Variants in IL17RE observed in about 807,000 individuals in gnomAD.
IL17RE encodes interleukin-17 receptor E.
Under a neutral mutation model 70.7 loss-of-function variants are expected in IL17RE, and 47 were observed. That is an observed-to-expected ratio of 0.67 (90% confidence interval 0.53 to 0.85). The LOEUF (loss-of-function observed/expected upper bound fraction) is 0.85. Among genes scored for constraint, IL17RE ranks in the 40% least tolerant of loss-of-function variants. The pLI is 0.00. For synonymous variants in IL17RE, 372 were observed against 381.2 expected (o/e 0.98, Z 0.28); for missense variants, 850 against 893.9 (o/e 0.95, Z 0.63).
In IL17RE at chr3:9,902,875, G is replaced by C. The variant is rs1322759462; in HGVS notation, c.-58G>C. On this transcript the variant is annotated 5_prime_UTR_variant, in exon 1 of 16. Transcript: ENST00000383814. Reference sequence around the variant, plus strand: ...GTTCGCTGCTGCACAGCAAGGCCCTGCCACCCACCTTCAGGCCATGCAGCC... The same window carrying C: ...GTTCGCTGCTGCACAGCAAGGCCCTCCCACCCACCTTCAGGCCATGCAGCC... 3 of 1,613,568 alleles carry C rather than the reference G, an allele frequency of 1.9e-6. No individual in the cohort carries two copies. The highest frequency in any genetic ancestry group is 8.5e-7 in the Non-Finnish European group (1 of 1,179,822).
chr3:9,914,253 A>G, intron 13 of IL17RE: 3 of 711,026 alleles, frequency 4.2e-6, no homozygotes, highest in South Asian at 2.0e-5. Context: ...CATGGTGACA[A>G]TGGCCTGGAG....
At position 9,907,099 on chromosome 3, in the gene IL17RE, A is replaced by T. The variant is rs138745343; in HGVS notation, c.665A>T (p.Gln222Leu). Residue 222 changes from glutamine (Q) to leucine (L), a missense_variant and splice_region_variant, in exon 6 of 16, where the codon CAG becomes CTG. Gln to Leu is a moderately radical substitution (Grantham distance 113). Coordinates refer to ENST00000383814, the MANE Select transcript of IL17RE (RefSeq NM_153480.2). ...CEELSSPYDV[Q>L]KIVSGGHTVE... ...GAGCTGAGCAGTCCCTATGATGTCCAGGTATGGTGTGTCATCCCCCTGTAA... is the reference window on the plus strand; with the variant it reads ...GAGCTGAGCAGTCCCTATGATGTCCTGGTATGGTGTGTCATCCCCCTGTAA... The T allele has an allele frequency of 1.1e-4, 173 of 1,614,152 alleles. No individual in the cohort carries two copies. The African/African-American group carries it at 1.9e-3, about 17-fold the overall frequency.
Position 9,910,984 on chromosome 3 carries a change from G to A in IL17RE, c.922G>A (p.Asp308Asn), listed in dbSNP as rs61743385. Residue 308 changes from aspartate (D) to asparagine (N), a missense_variant, in exon 9 of 16, where the codon GAC becomes AAC. Asp to Asn is a conservative substitution (Grantham distance 23). Transcript: ENST00000383814. ...KLEAALCQRH[D>N]WHTLCKDLPN... ...GGAAGCTGCCCTCTGCCAGAGGCACGACTGGCATACCCTTTGCAAAGACCT... is the reference window on the plus strand; with the variant it reads ...GGAAGCTGCCCTCTGCCAGAGGCACAACTGGCATACCCTTTGCAAAGACCT... 7.6e-4 allele frequency: 1,223 copies of A among 1,614,160 alleles called. 5 individuals are homozygous for A. The African/African-American group carries it at 0.014, about 18-fold the overall frequency.
intron 15 of IL17RE, 61 bp downstream of exon 15, chr3:9,914,838 C>G: frequency 7.4e-7 from 1 of 1,343,824 alleles, no homozygotes; most frequent in Non-Finnish European, 1.1e-6. Context: ...CTAGCTGCCC[C>G]CTCACCCTCC....
chr3:9,906,506 CT>C, intron 4 of IL17RE, 45 bp downstream of exon 4: 1 of 1,475,968 alleles, frequency 6.8e-7, no homozygotes, highest in Non-Finnish European at 9.5e-7. Flanking sequence ...CCCCACAGAC[CT>C]TTGCTTTCTG....
At position 9,915,476 on chromosome 3, in the gene IL17RE, T is replaced by C. The variant is rs1442030462; in HGVS notation, c.1673T>C (p.Leu558Pro). The change falls in exon 16 of 16, where the codon CTG becomes CCG. Residue 558 changes from leucine (L) to proline (P), a missense_variant. Coordinates refer to ENST00000383814, the MANE Select transcript of IL17RE (RefSeq NM_153480.2). This position sits in a 1 kb window ranked among gnomAD's most constrained non-coding sequence, Gnocchi z 4.9. ...CGGGAGCAGGGCACTGTGCTGCTGC[T>C]GTGGAGCGGCGCCGACCTTCGCCCG... is the stretch of plus-strand genomic sequence containing the variant. ...VAREQGTVLL[L>P]WSGADLRPVS... 1 of 1,331,712 alleles carries C rather than the reference T, an allele frequency of 7.5e-7. No homozygotes were observed. Among genetic ancestry groups the C allele is most frequent in the Non-Finnish European group, 9.5e-7 (1 of 1,049,452 alleles). The allele number at this position is 1,331,712 out of a possible 1,614,324, so 82.5% of individuals were successfully genotyped here. A position where few individuals can be genotyped will look rare whatever the true frequency, so the allele number is the denominator to read the frequency against.
At chr3:9,911,204 G>A (rs2082883841) in intron 10 of IL17RE, 30 bp downstream of exon 10, 1 of 1,614,044 alleles carries the variant, frequency 6.2e-7, no homozygotes, top group Non-Finnish European at 8.5e-7. Flanking sequence ...AAGATGTGGT[G>A]TAGTGGGTAT....
chr3:9,904,264 A>G (rs1258586294), intron 3 of IL17RE, 113 bp downstream of exon 3: 6 of 1,231,618 alleles, frequency 4.9e-6, no homozygotes, highest in South Asian at 1.3e-5. Flanking sequence ...TTTAACCTCA[A>G]CTGGGACTTG....
At chr3:9,914,460 T>A (rs968646778) in intron 13 of IL17RE, 88 bp from the exon 14 acceptor site, 11 of 1,572,688 alleles carry the variant, frequency 7.0e-6, no homozygotes, top group Non-Finnish European at 9.5e-6. Flanking sequence ...CAGTGGGGAC[T>A]CCCCTCTCCC....
intron 8 of IL17RE, 125 bp from the exon 9 acceptor site, chr3:9,910,740 G>A: frequency 1.3e-6 from 1 of 744,026 alleles, no homozygotes; most frequent in East Asian, 2.7e-5. Context: ...TTTAGTACCT[G>A]TTCTGGCCAG....
chr3:9,909,479 C>G, intron 8 of IL17RE, 196 bp downstream of exon 8: 1 of 613,664 alleles, frequency 1.6e-6, no homozygotes, highest in Non-Finnish European at 3.0e-6. Context: ...AGTCCGCTTG[C>G]CAATAGATCA....
intron 7 of IL17RE, among the ~76,000 whole-genome samples, chr3:9,908,574 C>A (rs1213632734): frequency 6.6e-6 from 1 of 152,168 alleles, no homozygotes; most frequent in Non-Finnish European, 1.5e-5. Context: ...TGGCCTCAGC[C>A]CACAGAGCCA....
intron 3 of IL17RE, among the ~76,000 whole-genome samples, chr3:9,905,867 T>C (rs552096573): frequency 3.3e-5 from 5 of 152,290 alleles, no homozygotes; most frequent in African/African-American, 1.2e-4. Flanking sequence ...TTTGTATATA[T>C]AGCTTTTTCT....
In IL17RE at chr3:9,915,220, C is replaced by G. The variant is rs1423517540; in HGVS notation, c.1448-31C>G. 5 of 1,370,348 alleles carry G rather than the reference C, an allele frequency of 3.6e-6. No individual in the cohort carries two copies. The highest frequency in any genetic ancestry group is 4.7e-6 in the Non-Finnish European group (5 of 1,066,348). 84.9% of individuals were successfully genotyped at this position (1,370,348 alleles called of 1,614,324 possible). On this transcript the variant is annotated intron_variant, in intron 15 of 15. Transcript: ENST00000383814. This position sits in a 1 kb window ranked among gnomAD's most constrained non-coding sequence, Gnocchi z 4.9. ...GAGGGCTGAGCAGTCCCTCAGCCGC[C>G]CAGCCTTCATCTGTTGCTTCCCGCC...
In IL17RE at chr3:9,914,731, C is replaced by T. The variant is rs773879614; in HGVS notation, c.1401C>T (p.Thr467=). The T allele has an allele frequency of 5.0e-6, 8 of 1,614,084 alleles. No individual in the cohort carries two copies. Among genetic ancestry groups the T allele is most frequent in the Non-Finnish European group, 6.8e-6 (8 of 1,180,020 alleles). ...LLILALLALL[T]LLGVVLALTC... ...TCCTGGCACTGCTGGCCCTCCTCACCCTACTGGGTGTTGTTCTGGCCCTCA... is the reference window on the plus strand; with the variant it reads ...TCCTGGCACTGCTGGCCCTCCTCACTCTACTGGGTGTTGTTCTGGCCCTCA... Residue 467 remains threonine, a synonymous_variant, in exon 15 of 16, where the codon ACC becomes ACT. Transcript: ENST00000383814.
rs762762077 is a variant in IL17RE, at chr3:9,903,378, A to G, written c.133-19A>G. 21 of 1,613,744 alleles carry G rather than the reference A, an allele frequency of 1.3e-5. No individual in the cohort carries two copies. The South Asian group carries it at 2.1e-4, about 16-fold the overall frequency. On this transcript the variant is annotated intron_variant, in intron 1 of 15. Coordinates refer to ENST00000383814, the MANE Select transcript of IL17RE (RefSeq NM_153480.2). ...AATAGCTCTTTCCTTTCTTTTCCCT[A>G]CTGGGCCCTGTGCCTCAGGATGACA... is the stretch of plus-strand genomic sequence containing the variant.
chr3:9,916,210 C>T lies in IL17RE; in HGVS notation c.*403C>T, dbSNP rs2083065199. On this transcript the variant is annotated 3_prime_UTR_variant, in exon 16 of 16. Coordinates refer to ENST00000383814, the MANE Select transcript of IL17RE (RefSeq NM_153480.2). ...CAGGGGGCGGCTGAGAGAAAACCTC[C>T]TTGGGGGCCAGGGATTCCCTTTCCC... 6.2e-6 allele frequency: 1 copy of T among 162,220 alleles called. No homozygotes were observed. Among genetic ancestry groups the T allele is most frequent in the African/African-American group, 2.4e-5 (1 of 41,710 alleles). The allele number at this position is 162,220 out of a possible 1,614,324, so 10.0% of individuals were successfully genotyped here.
chr3:9,914,487 C>G, intron 13 of IL17RE, 61 bp from the exon 14 acceptor site: 1 of 1,604,734 alleles, frequency 6.2e-7, no homozygotes, highest in East Asian at 2.2e-5. Flanking sequence ...CCATGCTTCA[C>G]TCAGCTCCCC....
intron 12 of IL17RE, among the ~76,000 whole-genome samples, chr3:9,912,824 A>G (rs1369534114): frequency 4.6e-5 from 7 of 152,180 alleles, no homozygotes; most frequent in Non-Finnish European, 1.0e-4. Context: ...AGCTATGATC[A>G]TGCCACAGCA....
Sources: gnomAD v4.1 joint callset for allele counts (sites outside exome capture counted in the v4.1 genomes callset) on GRCh38, gnomAD v4.1.1 for gene constraint, Gnocchi (gnomAD v3.1) non-coding constraint, MANE v1.5 for transcripts, NCBI Gene and HGNC (gene_info 2026-07-23, HGNC 2026-07-21) for gene names.